CHEK2: variants seen among roughly 807,000 people sequenced by gnomAD.
CHEK2 encodes serine/threonine-protein kinase Chk2.
Under a neutral mutation model 69.1 loss-of-function variants are expected in CHEK2, and 71 were observed. The observed-to-expected ratio is 1.03, with a 90% confidence interval of 0.85 to 1.25. CHEK2 has a LOEUF of 1.25. Among genes scored for constraint, CHEK2 ranks in the 50% most tolerant of loss-of-function variants. The probability of loss-of-function intolerance (pLI) is 0.00; values close to 1 mark genes in which losing one functional copy is unlikely to be tolerated. For synonymous variants in CHEK2, 189 were observed against 226.9 expected (o/e 0.83, Z 1.50); for missense variants, 664 against 649.6 (o/e 1.02, Z -0.24).
chr22:28,698,899 A>G (rs2145832937), intron 9 of CHEK2, among the ~76,000 whole-genome samples: 1 of 152,096 alleles, frequency 6.6e-6, no homozygotes, highest in South Asian at 2.1e-4. Context: ...CCCAGCTCCC[A>G]CTCTGAGTTA....
intron 2 of CHEK2, among the ~76,000 whole-genome samples, chr22:28,731,688 C>T (rs1411161967): frequency 6.6e-6 from 1 of 152,040 alleles, no homozygotes; most frequent in African/African-American, 2.4e-5. Context: ...GTTTACTTGT[C>T]TTTTTTTGTT....
intron 1 of CHEK2, among the ~76,000 whole-genome samples, chr22:28,737,001 A>G (rs1029315350): frequency 6.6e-6 from 1 of 152,096 alleles, no homozygotes; most frequent in Admixed American, 6.6e-5. Context: ...AAATCAAAGT[A>G]ACATCCACTG....
intron 13 of CHEK2, among the ~76,000 whole-genome samples, chr22:28,689,565 A>T (rs2052270454): frequency 6.6e-6 from 1 of 152,258 alleles, no homozygotes; most frequent in Middle Eastern, 3.4e-3. Context: ...GACTCCGTGC[A>T]GCTCCTCAAA....
chr22:28,718,267 T>G (rs1337192026), intron 5 of CHEK2, among the ~76,000 whole-genome samples: 1 of 152,076 alleles, frequency 6.6e-6, no homozygotes, highest in Admixed American at 6.6e-5. Flanking sequence ...ATCAAAAAGA[T>G]GAATAATAAC....
chr22:28,733,836 T>C (rs2146137391), intron 2 of CHEK2, among the ~76,000 whole-genome samples: 1 of 151,534 alleles, frequency 6.6e-6, no homozygotes, highest in East Asian at 1.9e-4. Flanking sequence ...GGAGAATCGC[T>C]TGAACCCAGG....
chr22:28,741,196 T>A (rs999501396), intron 1 of CHEK2, among the ~76,000 whole-genome samples: 1 of 150,588 alleles, frequency 6.6e-6, no homozygotes, highest in Non-Finnish European at 1.5e-5. Context: ...ATCATATATG[T>A]ATACTTTATA....
At chr22:28,704,926 TGA>T (rs1479986556) in intron 7 of CHEK2, among the ~76,000 whole-genome samples, 4 of 152,108 alleles carry the variant, frequency 2.6e-5, no homozygotes, top group African/African-American at 9.7e-5. Context: ...TATATAGCAA[TGA>T]ATGAATGCCC....
At position 28,699,362 on chromosome 22, in the gene CHEK2, C is replaced by CTTT. The variant is rs67508991; in HGVS notation, c.1008+473_1008+475dup. Among the ~76,000 whole-genome samples the CTTT allele has an allele frequency of 8.2e-3, 641 of 78,024 alleles. 23 individuals are homozygous for CTTT. The highest frequency in any genetic ancestry group is 0.02 in the African/African-American group (438 of 21,834). 51.2% of individuals were successfully genotyped at this position (78,024 alleles called of 152,430 possible). ...TTAAGCTACACAGTGAGAGCTTTTT[C>CTTT]TTTTTTTTTTTTTTTTTTTTTTGAG... On this transcript the variant is annotated intron_variant, in intron 9 of 14. Coordinates refer to ENST00000404276, the MANE Select transcript of CHEK2 (RefSeq NM_007194.4).
At chr22:28,741,681 C>A (rs969450206) in intron 1 of CHEK2, 88 bp downstream of exon 1, 3 of 205,444 alleles carry the variant, frequency 1.5e-5, no homozygotes, top group Non-Finnish European at 3.0e-5. Flanking sequence ...ACAGACAAAG[C>A]GAAGCTCAGG....
intron 9 of CHEK2, among the ~76,000 whole-genome samples, chr22:28,699,270 T>A (rs2052719796): frequency 2.0e-5 from 3 of 152,098 alleles, no homozygotes; most frequent in African/African-American, 7.2e-5. Flanking sequence ...CTCAAAGTGC[T>A]GGGACTACAG....
At chr22:28,721,587 G>A (rs1028043986) in intron 4 of CHEK2, 15 of 457,878 alleles carry the variant, frequency 3.3e-5, no homozygotes, top group Non-Finnish European at 5.0e-5. Context: ...GCGCCCCGCC[G>A]TATTTTTGAA....
At chr22:28,705,039 T>A (rs998632615) in intron 7 of CHEK2, among the ~76,000 whole-genome samples, 1 of 150,202 alleles carries the variant, frequency 6.7e-6, no homozygotes, top group African/African-American at 2.4e-5. Flanking sequence ...GCATCCCACA[T>A]ACAAAAATAC....
chr22:28,703,068 A>G (rs1321152975), intron 8 of CHEK2, among the ~76,000 whole-genome samples: 1 of 152,220 alleles, frequency 6.6e-6, no homozygotes, highest in Non-Finnish European at 1.5e-5. Flanking sequence ...TGAGCCAATT[A>G]TAACAATATT....
At position 28,728,333 on chromosome 22, in the gene CHEK2, T is replaced by C. The variant is rs1395240439; in HGVS notation, c.320-2966A>G. ...AATTGTGTGACAGTATTAGATGACA[T>C]AGGTGAAATGGACAAACTCCTAGAA... On this transcript the variant is annotated intron_variant, in intron 2 of 14. Transcript: ENST00000404276. Among the ~76,000 whole-genome samples, 4 of 152,134 alleles carry C rather than the reference T, an allele frequency of 2.6e-5. No individual in the cohort carries two copies. The East Asian group carries it at 5.8e-4, about 22-fold the overall frequency.
chr22:28,697,307 T>C (rs1194831979), intron 9 of CHEK2, among the ~76,000 whole-genome samples: 1 of 152,138 alleles, frequency 6.6e-6, no homozygotes, highest in Admixed American at 6.6e-5. Context: ...CAGAAAATGT[T>C]TTGAGAACAT....
At chr22:28,690,906 A>G (rs985885414) in intron 13 of CHEK2, among the ~76,000 whole-genome samples, 1 of 151,730 alleles carries the variant, frequency 6.6e-6, no homozygotes, top group Admixed American at 6.6e-5. Context: ...AGAAAGAAGG[A>G]AAGAAGGACC....
At chr22:28,689,782 C>T (rs1259279291) in intron 13 of CHEK2, among the ~76,000 whole-genome samples, 1 of 152,158 alleles carries the variant, frequency 6.6e-6, no homozygotes, top group East Asian at 1.9e-4. Flanking sequence ...TTTGTTTCTG[C>T]TGCAGGAGCG....
chr22:28,714,506 G>A (rs2053521143), intron 5 of CHEK2, among the ~76,000 whole-genome samples: 2 of 152,040 alleles, frequency 1.3e-5, no homozygotes, highest in Admixed American at 6.6e-5. Context: ...TTATTGTACA[G>A]TTCTAAGATG....
At chr22:28,718,331 AAGTAAATT>A (rs1370352428) in intron 5 of CHEK2, among the ~76,000 whole-genome samples, 2 of 152,198 alleles carry the variant, frequency 1.3e-5, no homozygotes, top group East Asian at 3.8e-4. Context: ...GTTGGTGGGA[AAGTAAATT>A]AGTACAGCCA....
Sources: allele counts gnomAD v4.1 joint callset (sites outside exome capture counted in the v4.1 genomes callset), GRCh38; gene constraint gnomAD v4.1.1; transcripts MANE v1.5; gene names NCBI Gene and HGNC (gene_info 2026-07-23, HGNC 2026-07-21).